NFATC3: variants seen among roughly 807,000 people sequenced by gnomAD.
NFATC3 encodes nuclear factor of activated T cells 3, also known as nuclear factor of activated T-cells, cytoplasmic 3.
In NFATC3, 46 loss-of-function variants were observed where a neutral mutation model predicts 98.6. The ratio of observed to expected loss-of-function variants is 0.47; its 90% CI spans 0.37 to 0.60. The LOEUF (loss-of-function observed/expected upper bound fraction) is 0.60, where lower values mean the gene tolerates loss of function less well. NFATC3 is among the 20% of genes least tolerant of loss of function. The pLI, the probability that NFATC3 is intolerant of heterozygous loss-of-function variation, is 0.00. For synonymous variants in NFATC3, 512 were observed against 472.2 expected (o/e 1.08, Z -1.09); for missense variants, 1,256 against 1,295.5 (o/e 0.97, Z 0.47).
At chr16:68,220,427 C>T (rs536698190) in intron 9 of NFATC3, among the ~76,000 whole-genome samples, 1 of 152,084 alleles carries the variant, frequency 6.6e-6, no homozygotes, top group Non-Finnish European at 1.5e-5. Context: ...CACCACTGCA[C>T]TCTAGCCTGG....
chr16:68,192,333 AGAGAG>A (rs2040479440), intron 9 of NFATC3: 1 of 118,442 alleles, frequency 8.4e-6, no homozygotes, highest in Non-Finnish European at 1.8e-5. Flanking sequence ...ATATATATAT[AGAGAG>A]AGAGAGAGAG....
At chr16:68,215,251 GCCTAC>G (rs2041587385) in intron 9 of NFATC3, among the ~76,000 whole-genome samples, 1 of 152,164 alleles carries the variant, frequency 6.6e-6, no homozygotes, top group South Asian at 2.1e-4. Flanking sequence ...CCAGAACTGG[GCCTAC>G]CCTGGTCTCA....
intron 9 of NFATC3, among the ~76,000 whole-genome samples, chr16:68,219,473 G>C (rs528748994): frequency 6.6e-6 from 1 of 152,208 alleles, no homozygotes; most frequent in South Asian, 2.1e-4. Flanking sequence ...GCTCTGAAGC[G>C]GGAGGATCGC....
chr16:68,132,910 A>G (rs1477455800), intron 3 of NFATC3, among the ~76,000 whole-genome samples: 4 of 152,200 alleles, frequency 2.6e-5, no homozygotes, highest in African/African-American at 9.7e-5. Flanking sequence ...ATACAAAATT[A>G]CAGCTAGAGG....
intron 3 of NFATC3, among the ~76,000 whole-genome samples, chr16:68,155,483 C>T (rs567297617): frequency 6.6e-6 from 1 of 152,284 alleles, no homozygotes; most frequent in South Asian, 2.1e-4. Context: ...GCATAGAGAA[C>T]TCCTCATAGA....
intron 2 of NFATC3, among the ~76,000 whole-genome samples, chr16:68,125,329 A>G (rs2036778720): frequency 6.6e-6 from 1 of 152,236 alleles, no homozygotes; most frequent in South Asian, 2.1e-4. Context: ...ACCTGTAGAC[A>G]TACGAAGTTT....
chr16:68,146,454 G>A (rs549518443), intron 3 of NFATC3, among the ~76,000 whole-genome samples: 1 of 151,834 alleles, frequency 6.6e-6, no homozygotes, highest in Admixed American at 6.6e-5. Flanking sequence ...ATATTATACA[G>A]TGGTAAGTTT....
chr16:68,102,132 G>A (rs2035396810), intron 1 of NFATC3, among the ~76,000 whole-genome samples: 2 of 151,968 alleles, frequency 1.3e-5, no homozygotes, highest in Non-Finnish European at 2.9e-5. Context: ...AGCACTTTGG[G>A]AGGCTGAGGC....
At chr16:68,100,211 C>T (rs2035270162) in intron 1 of NFATC3, among the ~76,000 whole-genome samples, 1 of 151,186 alleles carries the variant, frequency 6.6e-6, no homozygotes, top group Non-Finnish European at 1.5e-5. Flanking sequence ...TGTGTTGTTT[C>T]TTTTTTTTTC....
rs1278225660 is a variant in NFATC3 at position 68,191,621 on chromosome 16, G to T, written c.2952G>T (p.Gly984=). The part of the protein sequence containing the change: ...HSTQAQSTGQ[G]GLSAPSSLIC... ...CTCAAGCACAAAGTACGGGCCAGGGGGGTCTTTCTGCACCTTCATCCTTAA... is the reference window on the plus strand; with the variant it reads ...CTCAAGCACAAAGTACGGGCCAGGGTGGTCTTTCTGCACCTTCATCCTTAA... The change falls in exon 9 of 10, where the codon GGG becomes GGT. Residue 984 remains glycine, a synonymous_variant. Transcript: ENST00000346183. The T allele has an allele frequency of 3.1e-6, 5 of 1,613,994 alleles. No individual in the cohort carries two copies. The Admixed American group carries it at 8.3e-5, about 27-fold the overall frequency.
chr16:68,116,788 A>G (rs2036299498), intron 1 of NFATC3, among the ~76,000 whole-genome samples: 1 of 151,204 alleles, frequency 6.6e-6, no homozygotes. Context: ...AAAATCTTCT[A>G]TGGGTGACTT....
intron 3 of NFATC3, among the ~76,000 whole-genome samples, chr16:68,134,030 G>T (rs2151524580): frequency 6.6e-6 from 1 of 152,098 alleles, no homozygotes; most frequent in South Asian, 2.1e-4. Flanking sequence ...CCTCCACATT[G>T]TCACCAAGTG....
chr16:68,157,210 C>A (rs996863924), intron 3 of NFATC3, among the ~76,000 whole-genome samples: 3 of 150,992 alleles, frequency 2.0e-5, no homozygotes, highest in Non-Finnish European at 4.4e-5. Flanking sequence ...CTGTCTCTGT[C>A]TCTCTCTCCT....
At chr16:68,197,398 T>C (rs2040722334) in intron 9 of NFATC3, among the ~76,000 whole-genome samples, 1 of 152,240 alleles carries the variant, frequency 6.6e-6, no homozygotes, top group African/African-American at 2.4e-5. Context: ...TTCCTCCTGC[T>C]TCAGCCTGCT....
At chr16:68,190,733 TATA>T in intron 8 of NFATC3, 32 bp from the exon 9 acceptor site, 1 of 1,557,430 alleles carries the variant, frequency 6.4e-7, no homozygotes, top group South Asian at 1.2e-5. Flanking sequence ...TTATGTATTG[TATA>T]ATAATATTTG....
intron 2 of NFATC3, among the ~76,000 whole-genome samples, chr16:68,124,789 G>A (rs938996025): frequency 4.0e-5 from 6 of 149,816 alleles, no homozygotes; most frequent in African/African-American, 1.5e-4. Context: ...AAGTGCAGTG[G>A]CATGATCTCA....
At chr16:68,186,416 T>C (rs1372508743) in intron 8 of NFATC3, among the ~76,000 whole-genome samples, 1 of 152,064 alleles carries the variant, frequency 6.6e-6, no homozygotes, top group Non-Finnish European at 1.5e-5. Context: ...GTCGTGAGCC[T>C]GTAGTCCCAG....
chr16:68,204,892 G>A (rs966038775), intron 9 of NFATC3, among the ~76,000 whole-genome samples: 7 of 152,096 alleles, frequency 4.6e-5, no homozygotes, highest in South Asian at 2.1e-4. Flanking sequence ...GCAGTTTTCT[G>A]CCTTGGCATT....
At chr16:68,184,856 T>A (rs1486664207) in intron 8 of NFATC3, among the ~76,000 whole-genome samples, 1 of 152,136 alleles carries the variant, frequency 6.6e-6, no homozygotes, top group Non-Finnish European at 1.5e-5. Context: ...AAATAGTTTT[T>A]GTAAAGAGAG....
Sources: gnomAD v4.1 joint callset for allele counts (sites outside exome capture counted in the v4.1 genomes callset) on GRCh38, gnomAD v4.1.1 for gene constraint, MANE v1.5 for transcripts, NCBI Gene and HGNC (gene_info 2026-07-23, HGNC 2026-07-21) for gene names.